RSU1: variants seen among roughly 807,000 people sequenced by gnomAD.
RSU1 encodes Ras suppressor protein 1.
A neutral mutation model predicts 31.1 loss-of-function variants in RSU1; 26 were observed. The observed-to-expected ratio is 0.84, with a 90% CI of 0.61 to 1.16. RSU1 has a LOEUF of 1.16. RSU1 is among the 50% of genes most tolerant of loss of function. RSU1 has a pLI of 0.00. For synonymous variants in RSU1, 164 were observed against 136.3 expected (o/e 1.20, Z -1.41); for missense variants, 320 against 339.1 (o/e 0.94, Z 0.44).
At chr10:16,724,158 G>T (rs1300037038) in intron 7 of RSU1, among the ~76,000 whole-genome samples, 1 of 152,048 alleles carries the variant, frequency 6.6e-6, no homozygotes, top group Non-Finnish European at 1.5e-5. Flanking sequence ...GGCCAGGCTG[G>T]TCTCGAACTC....
intron 2 of RSU1, among the ~76,000 whole-genome samples, chr10:16,803,093 T>G (rs1319074753): frequency 6.6e-6 from 1 of 152,280 alleles, no homozygotes; most frequent in Non-Finnish European, 1.5e-5. Flanking sequence ...AAAACTGTCT[T>G]TCTCCACAGA....
intron 7 of RSU1, among the ~76,000 whole-genome samples, chr10:16,716,097 T>TA (rs1836134038): frequency 6.6e-6 from 1 of 152,192 alleles, no homozygotes. Flanking sequence ...AAAATCTCCT[T>TA]AGTCGGAATT....
intron 8 of RSU1, among the ~76,000 whole-genome samples, chr10:16,692,931 C>G (rs1835591741): frequency 6.6e-6 from 1 of 152,022 alleles, no homozygotes; most frequent in Non-Finnish European, 1.5e-5. Flanking sequence ...ATCATTTTGG[C>G]AATTTTAGTG....
At chr10:16,615,797 G>A (rs1485154935) in intron 8 of RSU1, among the ~76,000 whole-genome samples, 1 of 152,132 alleles carries the variant, frequency 6.6e-6, no homozygotes, top group Non-Finnish European at 1.5e-5. Flanking sequence ...CGAAATTAAG[G>A]CAGAAAAAAG....
intron 4 of RSU1, among the ~76,000 whole-genome samples, chr10:16,755,494 TACA>T (rs1239219585): frequency 6.6e-6 from 1 of 152,122 alleles, no homozygotes; most frequent in African/African-American, 2.4e-5. Flanking sequence ...ACTTATGGTG[TACA>T]ACATGATACT....
At chr10:16,603,457 G>A (rs1833746750) in intron 8 of RSU1, among the ~76,000 whole-genome samples, 1 of 152,176 alleles carries the variant, frequency 6.6e-6, no homozygotes, top group Non-Finnish European at 1.5e-5. Flanking sequence ...CAGATGCAAG[G>A]ATATTAGGTA....
chr10:16,650,487 TAGAC>T (rs1834662654), intron 8 of RSU1, among the ~76,000 whole-genome samples: 2 of 150,854 alleles, frequency 1.3e-5, no homozygotes, highest in Non-Finnish European at 2.9e-5. Context: ...GACTTACAAG[TAGAC>T]AGGCAAAGAA....
chr10:16,685,079 C>T (rs572077030), intron 8 of RSU1, among the ~76,000 whole-genome samples: 1 of 152,104 alleles, frequency 6.6e-6, no homozygotes, highest in Non-Finnish European at 1.5e-5. Flanking sequence ...AAAACCCCAT[C>T]TCTACTAAAA....
intron 2 of RSU1, among the ~76,000 whole-genome samples, chr10:16,793,297 G>A (rs1837964522): frequency 6.6e-6 from 1 of 151,958 alleles, no homozygotes; most frequent in African/African-American, 2.4e-5. Flanking sequence ...TATAGATAAA[G>A]GGTCTATCAA....
intron 7 of RSU1, among the ~76,000 whole-genome samples, chr10:16,715,383 C>A (rs1358778760): frequency 6.6e-6 from 1 of 152,110 alleles, no homozygotes; most frequent in Non-Finnish European, 1.5e-5. Flanking sequence ...TCTTAAAGTC[C>A]AACGTCTTGA....
chr10:16,593,222 C>A lies in RSU1; in HGVS notation c.*172G>T. On this transcript the variant is annotated 3_prime_UTR_variant, in exon 9 of 9. Coordinates refer to ENST00000345264, the MANE Select transcript of RSU1 (RefSeq NM_012425.4). ...GGTTTAAAGACCTTATAACAATCTC[C>A]CACCTAGCAAAAGAATCTAAAAGGT... 7.9e-7 allele frequency: 1 copy of A among 1,267,452 alleles called. No homozygotes were observed. The highest frequency in any genetic ancestry group is 1.1e-6 in the Non-Finnish European group (1 of 950,424). The allele number at this position is 1,267,452 out of a possible 1,614,324, so 78.5% of individuals were successfully genotyped here.
intron 7 of RSU1, among the ~76,000 whole-genome samples, chr10:16,740,889 G>A (rs1361465560): frequency 3.3e-5 from 5 of 152,092 alleles, no homozygotes; most frequent in African/African-American, 9.7e-5. Context: ...GATAATCCCT[G>A]AAATAATCTA....
At chr10:16,640,796 C>G (rs1014376245) in intron 8 of RSU1, among the ~76,000 whole-genome samples, 2 of 152,240 alleles carry the variant, frequency 1.3e-5, no homozygotes, top group Non-Finnish European at 2.9e-5. Flanking sequence ...TCTCATAGCA[C>G]AGCCTGATTC....
intron 2 of RSU1, among the ~76,000 whole-genome samples, chr10:16,805,686 T>TC (rs1491333952): frequency 1.6e-5 from 2 of 128,394 alleles, no homozygotes; most frequent in Non-Finnish European, 3.4e-5. Flanking sequence ...AAAAAAAAGC[T>TC]TTTTTTTTTT....
intron 8 of RSU1, among the ~76,000 whole-genome samples, chr10:16,659,000 C>T (rs965337672): frequency 1.3e-5 from 2 of 152,204 alleles, no homozygotes; most frequent in African/African-American, 2.4e-5. Flanking sequence ...CTAATTACAA[C>T]TGAAGTTGAC....
chr10:16,708,028 G>A (rs1326593006), intron 7 of RSU1, among the ~76,000 whole-genome samples: 1 of 152,028 alleles, frequency 6.6e-6, no homozygotes, highest in African/African-American at 2.4e-5. Flanking sequence ...TTGGCTATAG[G>A]TATGTAAATT....
chr10:16,739,391 A>G (rs535140106), intron 7 of RSU1, among the ~76,000 whole-genome samples: 5 of 151,468 alleles, frequency 3.3e-5, no homozygotes, highest in African/African-American at 1.2e-4. Flanking sequence ...CTGACTTTTT[A>G]ATAATCACCA....
chr10:16,717,591 T>C (rs1836168846), intron 7 of RSU1, among the ~76,000 whole-genome samples: 1 of 149,164 alleles, frequency 6.7e-6, no homozygotes, highest in Non-Finnish European at 1.5e-5. Flanking sequence ...TACATAACCT[T>C]CTTTAGGACT....
At chr10:16,729,453 A>C (rs1230391736) in intron 7 of RSU1, among the ~76,000 whole-genome samples, 2 of 152,182 alleles carry the variant, frequency 1.3e-5, no homozygotes, top group Admixed American at 6.5e-5. Flanking sequence ...CTGGCCACTC[A>C]GGCTGAAAAG....
Sources: allele counts gnomAD v4.1 joint callset (sites outside exome capture counted in the v4.1 genomes callset), GRCh38; gene constraint gnomAD v4.1.1; transcripts MANE v1.5; gene names NCBI Gene and HGNC (gene_info 2026-07-23, HGNC 2026-07-21).